CYP3A43: variants seen among roughly 807,000 people sequenced by gnomAD.
The protein encoded by CYP3A43 is cytochrome P450 family 3 subfamily A member 43.
In CYP3A43, 45 loss-of-function variants were observed where a neutral mutation model predicts 58.0. That is an observed-to-expected ratio of 0.78 (90% CI 0.61 to 0.99). The LOEUF is 0.99. Among genes scored for constraint, CYP3A43 ranks in the 50% least tolerant of loss-of-function variants. The probability of loss-of-function intolerance (pLI) is 0.00; values close to 1 mark genes in which losing one functional copy is unlikely to be tolerated. For missense variants in CYP3A43, 593 were observed against 591.9 expected, an observed-to-expected ratio of 1.00 and a Z score of -0.02; for synonymous variants, 191 against 201.4, an observed-to-expected ratio of 0.95 and a Z score of 0.44.
intron 4 of CYP3A43, among the ~76,000 whole-genome samples, chr7:99,845,866 C>G (rs1817526594): frequency 6.6e-6 from 1 of 151,842 alleles, no homozygotes; most frequent in Non-Finnish European, 1.5e-5. Context: ...GCCTCTGCCT[C>G]CCTGGTTCAA....
At chr7:99,828,730 T>C (rs1231234410) in intron 1 of CYP3A43, among the ~76,000 whole-genome samples, 3 of 152,150 alleles carry the variant, frequency 2.0e-5, no homozygotes, top group African/African-American at 7.2e-5. Context: ...TTCACAAATG[T>C]CTTCAGAATC....
At chr7:99,850,340 C>T (rs1253503201) in intron 7 of CYP3A43, among the ~76,000 whole-genome samples, 1 of 151,850 alleles carries the variant, frequency 6.6e-6, no homozygotes, top group Non-Finnish European at 1.5e-5. Flanking sequence ...CGGCTCACTG[C>T]AACCTCCGCC....
chr7:99,843,962 C>T (rs1240061792), intron 3 of CYP3A43, among the ~76,000 whole-genome samples, 181 bp from the exon 4 acceptor site: 2 of 152,164 alleles, frequency 1.3e-5, no homozygotes, highest in East Asian at 3.8e-4. Flanking sequence ...AAGTGGCTTC[C>T]GTGGTGAGAA....
Position 99,836,487 on chromosome 7 carries a change from C to T in CYP3A43, c.106C>T (p.Leu36=). The T allele has an allele frequency of 2.5e-6, 4 of 1,610,520 alleles. No homozygotes were observed. The highest frequency in any genetic ancestry group is 3.4e-6 in the Non-Finnish European group (4 of 1,179,182). ...CCATTCACATAAACTTTTTAAGAAG[C>T]TGGGAATTCCTGGGCCAACCCCTCT... ...GTHSHKLFKK[L]GIPGPTPLPF... Residue 36 remains leucine (L), a synonymous_variant, in exon 2 of 13, where the codon CTG becomes TTG. Coordinates refer to ENST00000354829, the MANE Select transcript of CYP3A43 (RefSeq NM_057095.3).
intron 2 of CYP3A43, among the ~76,000 whole-genome samples, chr7:99,837,173 G>C (rs1405382873): frequency 6.8e-6 from 1 of 147,186 alleles, no homozygotes; most frequent in Non-Finnish European, 1.5e-5. Flanking sequence ...AAAAAAATTA[G>C]CCGGGCGCAG....
Position 99,848,025 on chromosome 7 carries a change from AG to A in CYP3A43, c.433-136del, listed in dbSNP as rs142764068. Reference sequence around the variant, plus strand: ...AAACTCTGTCTCAAAAAAAAGGGGCAGGGGGCGGTCTTTTCTATTTATGTCC... The same window carrying A: ...AAACTCTGTCTCAAAAAAAAGGGGCAGGGGCGGTCTTTTCTATTTATGTCC... On this transcript the variant is annotated intron_variant, in intron 5 of 12. Coordinates refer to ENST00000354829, the MANE Select transcript of CYP3A43 (RefSeq NM_057095.3). The A allele has an allele frequency of 2.9e-5, 23 of 794,938 alleles. No individual in the cohort carries two copies. In the African/African-American group the frequency reaches 3.8e-4, roughly 13 times the overall value. The allele number at this position is 794,938 out of a possible 1,614,324, so 49.2% of individuals were successfully genotyped here. A position where few individuals can be genotyped will look rare whatever the true frequency, so the allele number is the denominator to read the frequency against.
intron 10 of CYP3A43, among the ~76,000 whole-genome samples, chr7:99,860,287 T>C (rs1374650902): frequency 6.6e-6 from 1 of 152,178 alleles, no homozygotes; most frequent in Admixed American, 6.5e-5. Context: ...AAAACAATCA[T>C]TTATTGCTCA....
At chr7:99,842,753 A>G (rs957887521) in intron 3 of CYP3A43, among the ~76,000 whole-genome samples, 2 of 152,214 alleles carry the variant, frequency 1.3e-5, no homozygotes, top group African/African-American at 4.8e-5. Context: ...ATGCTGTGTC[A>G]TAACCTCATA....
chr7:99,853,092 G>T (rs148979271), intron 7 of CYP3A43, among the ~76,000 whole-genome samples: 1,525 of 152,286 alleles, frequency 0.01, 12 homozygotes, highest in Non-Finnish European at 0.014. Flanking sequence ...GTTTTAATAT[G>T]ATGGTAATAC....
At chr7:99,862,183 T>C (rs1305150246) in intron 11 of CYP3A43, among the ~76,000 whole-genome samples, 1 of 152,264 alleles carries the variant, frequency 6.6e-6, no homozygotes, top group Non-Finnish European at 1.5e-5. Flanking sequence ...TATTTCTATA[T>C]GCATAAGCTA....
At chr7:99,840,756 T>C (rs756984944) in intron 3 of CYP3A43, among the ~76,000 whole-genome samples, 1 of 152,208 alleles carries the variant, frequency 6.6e-6, no homozygotes, top group Non-Finnish European at 1.5e-5. Context: ...CCCTCAAGCT[T>C]TGACTCAATA....
At chr7:99,861,522 G>T in intron 10 of CYP3A43, 91 bp from the exon 11 acceptor site, 1 of 1,052,318 alleles carries the variant, frequency 9.5e-7, no homozygotes, top group Non-Finnish European at 1.4e-6. Context: ...ATTATTCTCT[G>T]GAGCTCCTAA....
At chr7:99,856,734 G>C (rs1032136681) in intron 8 of CYP3A43, 99 bp from the exon 9 acceptor site, 5 of 1,222,516 alleles carry the variant, frequency 4.1e-6, no homozygotes, top group Non-Finnish European at 6.0e-6. Context: ...AACTTAAAGA[G>C]AGCATATTCT....
chr7:99,860,482 G>A (rs1818185579), intron 10 of CYP3A43, among the ~76,000 whole-genome samples: 1 of 152,104 alleles, frequency 6.6e-6, no homozygotes, highest in African/African-American at 2.4e-5. Flanking sequence ...CTGACGCCTG[G>A]GCCAAACATT....
intron 7 of CYP3A43, among the ~76,000 whole-genome samples, chr7:99,854,722 G>A (rs1311529633): frequency 6.6e-6 from 1 of 151,976 alleles, no homozygotes; most frequent in Non-Finnish European, 1.5e-5. Flanking sequence ...CATTGCTTTG[G>A]CTACATCCCA....
rs549275845 is a variant in CYP3A43, at chr7:99,843,497, G to A, written c.219-646G>A. On this transcript the variant is annotated intron_variant, in intron 3 of 12. Coordinates refer to ENST00000354829, the MANE Select transcript of CYP3A43 (RefSeq NM_057095.3). ...TTTTTTTATTTTGAGATGGAGTGTC[G>A]CTGTATTGCCCAGGCTGGAGTGCAG... is the stretch of plus-strand genomic sequence containing the variant. Among the ~76,000 whole-genome samples the A allele has an allele frequency of 3.9e-4, 59 of 151,796 alleles. 1 individual carries two copies. Among genetic ancestry groups the A allele is most frequent in the Non-Finnish European group, 6.9e-4 (47 of 67,948 alleles).
rs74984764 is a variant in CYP3A43, at chr7:99,838,797, T to C, written c.166-323T>C. ...GAGTTCGAGACCAGCTTTGCCAACA[T>C]GGTGAAACCCTATTTCTACTAAATA... is the stretch of plus-strand genomic sequence containing the variant. On this transcript the variant is annotated intron_variant, in intron 2 of 12. Transcript: ENST00000354829. 3,309 of 602,426 alleles carry C rather than the reference T, an allele frequency of 5.5e-3. 89 individuals are homozygous for C. In the African/African-American group the frequency reaches 0.057, roughly 10 times the overall value. 37.3% of individuals were successfully genotyped at this position (602,426 alleles called of 1,614,324 possible). A position where few individuals can be genotyped will look rare whatever the true frequency, so the allele number is the denominator to read the frequency against.
chr7:99,828,243 G>A (rs1816704243), intron 1 of CYP3A43, 57 bp downstream of exon 1: 5 of 1,335,138 alleles, frequency 3.7e-6, no homozygotes, highest in Non-Finnish European at 5.1e-6. Context: ...GTGCTAATTG[G>A]GCCCATCTTT....
At chr7:99,828,910 A>T (rs1816729889) in intron 1 of CYP3A43, among the ~76,000 whole-genome samples, 1 of 152,198 alleles carries the variant, frequency 6.6e-6, no homozygotes, top group South Asian at 2.1e-4. Context: ...GAAAAGAGAA[A>T]AAGTTTGATA....
Sources: gnomAD v4.1 joint callset for allele counts (sites outside exome capture counted in the v4.1 genomes callset) on GRCh38, gnomAD v4.1.1 for gene constraint, MANE v1.5 for transcripts, NCBI Gene and HGNC (gene_info 2026-07-23, HGNC 2026-07-21) for gene names.